ESF1: variants seen among roughly 807,000 people sequenced by gnomAD.
ESF1 encodes the protein ESF1 nucleolar pre-rRNA processing protein, also known as ESF1 homolog.
A neutral mutation model predicts 92.0 loss-of-function variants in ESF1; 58 were observed. The ratio of observed to expected loss-of-function variants is 0.63; its 90% CI spans 0.51 to 0.78. ESF1 has a LOEUF of 0.78. Among genes scored for constraint, ESF1 ranks in the 30% least tolerant of loss-of-function variants. The pLI is 0.00. For missense variants in ESF1, 922 were observed against 989.1 expected (o/e 0.93, Z 0.91); for synonymous variants, 321 against 313.7 (o/e 1.02, Z -0.24).
At chr20:13,747,487 C>T (rs1600278411) in intron 9 of ESF1, among the ~76,000 whole-genome samples, 1 of 151,484 alleles carries the variant, frequency 6.6e-6, no homozygotes, top group Non-Finnish European at 1.5e-5. Flanking sequence ...ACTGCTTGAA[C>T]CCGGGAGGTG....
At chr20:13,748,827 T>G (rs1978458043) in intron 9 of ESF1, among the ~76,000 whole-genome samples, 1 of 151,820 alleles carries the variant, frequency 6.6e-6, no homozygotes, top group African/African-American at 2.4e-5. Context: ...GACCTCGTGA[T>G]CCGCCCACCT....
intron 9 of ESF1, among the ~76,000 whole-genome samples, chr20:13,740,096 T>G (rs2050001897): frequency 6.6e-6 from 1 of 152,176 alleles, no homozygotes; most frequent in Admixed American, 6.6e-5. Flanking sequence ...ACACTACTTG[T>G]GTGGCCCAAA....
intron 4 of ESF1, among the ~76,000 whole-genome samples, chr20:13,774,270 A>G (rs1379114582): frequency 7.4e-5 from 4 of 54,200 alleles, no homozygotes; most frequent in Admixed American, 4.9e-4. Flanking sequence ...AGCATCCCAA[A>G]TCCCAAATCC....
intron 9 of ESF1, among the ~76,000 whole-genome samples, chr20:13,753,883 C>T (rs1335781962): frequency 6.6e-6 from 1 of 152,180 alleles, no homozygotes; most frequent in South Asian, 2.1e-4. Context: ...TAAATAACTT[C>T]CACATGCTTA....
intron 9 of ESF1, among the ~76,000 whole-genome samples, chr20:13,736,239 T>C (rs937483975): frequency 2.6e-5 from 4 of 152,176 alleles, no homozygotes; most frequent in Admixed American, 2.6e-4. Context: ...ATATCTCTGG[T>C]TATCCACTAG....
Position 13,776,062 on chromosome 20 carries a change from TTCA to T in ESF1, c.843_845del (p.Asp281del). ...CACTATCCTCATCTTCATCCTCCTC[TTCA>T]TCTTCATCCTCCTCTTCATCATCTT... On this transcript the variant is annotated inframe_deletion, in exon 3 of 14. Coordinates refer to ENST00000617257, the MANE Select transcript of ESF1 (RefSeq NM_001276380.2). 1 of 1,613,122 alleles carries T rather than the reference TTCA, an allele frequency of 6.2e-7. No homozygotes were observed. The highest frequency in any genetic ancestry group is 8.5e-7 in the Non-Finnish European group (1 of 1,179,406).
At chr20:13,766,992 T>C (rs1021222210) in intron 7 of ESF1, 68 bp from the exon 8 acceptor site, 9 of 1,468,310 alleles carry the variant, frequency 6.1e-6, no homozygotes, top group East Asian at 4.5e-5. Context: ...TGTTAAAGAA[T>C]ATATACTATT....
intron 8 of ESF1, among the ~76,000 whole-genome samples, chr20:13,764,895 C>T (rs150582676): frequency 3.2e-3 from 480 of 150,788 alleles, no homozygotes; most frequent in African/African-American, 8.8e-3. Context: ...GTCAACTGTA[C>T]GCCGTTAATC....
chr20:13,754,563 A>C (rs897979132), intron 9 of ESF1, among the ~76,000 whole-genome samples: 1 of 152,134 alleles, frequency 6.6e-6, no homozygotes, highest in Non-Finnish European at 1.5e-5. Flanking sequence ...GGGCATCTTG[A>C]ACTTAATGTA....
At chr20:13,784,796 A>C in intron 1 of ESF1, 84 bp downstream of exon 1, 1 of 523,568 alleles carries the variant, frequency 1.9e-6, no homozygotes. Context: ...CCTGTTAGAG[A>C]CTAGTTTTTT....
chr20:13,776,382 G>A, intron 2 of ESF1, 112 bp from the exon 3 acceptor site: 1 of 1,021,866 alleles, frequency 9.8e-7, no homozygotes, highest in Non-Finnish European at 1.4e-6. Flanking sequence ...ATGAAACACA[G>A]TAAAGACAAA....
intron 9 of ESF1, among the ~76,000 whole-genome samples, chr20:13,751,677 C>A (rs1215404124): frequency 6.6e-6 from 1 of 152,172 alleles, no homozygotes; most frequent in Non-Finnish European, 1.5e-5. Context: ...TGAGTTAAAT[C>A]TTTTTAAAAA....
intron 9 of ESF1, among the ~76,000 whole-genome samples, chr20:13,737,019 G>C (rs1265480452): frequency 1.3e-5 from 2 of 152,284 alleles, no homozygotes; most frequent in East Asian, 3.9e-4. Context: ...TATGTTCTAA[G>C]TTCTTAAAAA....
At chr20:13,743,139 T>C (rs765669481) in intron 9 of ESF1, among the ~76,000 whole-genome samples, 4 of 152,172 alleles carry the variant, frequency 2.6e-5, no homozygotes, top group Admixed American at 6.6e-5. Flanking sequence ...CCAACAGGTA[T>C]ATGAAAAGGT....
intron 9 of ESF1, among the ~76,000 whole-genome samples, chr20:13,743,464 A>T (rs920067973): frequency 6.6e-6 from 1 of 152,220 alleles, no homozygotes; most frequent in African/African-American, 2.4e-5. Flanking sequence ...AATAACCAAG[A>T]TAGGGAAACA....
At chr20:13,735,019 T>G (rs1327045374) in intron 9 of ESF1, among the ~76,000 whole-genome samples, 1 of 152,112 alleles carries the variant, frequency 6.6e-6, no homozygotes, top group Non-Finnish European at 1.5e-5. Flanking sequence ...AAGAAATATA[T>G]GGCCCAAGAA....
chr20:13,758,689 A>C (rs1185682162), intron 9 of ESF1, among the ~76,000 whole-genome samples: 1 of 152,240 alleles, frequency 6.6e-6, no homozygotes, highest in African/African-American at 2.4e-5. Context: ...CCTAGTGACT[A>C]ATATAGGCTA....
intron 9 of ESF1, among the ~76,000 whole-genome samples, chr20:13,755,572 A>G (rs1373062261): frequency 1.3e-5 from 2 of 152,244 alleles, no homozygotes; most frequent in African/African-American, 4.8e-5. Flanking sequence ...GGATACCTTT[A>G]GCAACGCATT....
chr20:13,749,064 AATT>A (rs1209344742), intron 9 of ESF1, among the ~76,000 whole-genome samples: 2 of 151,316 alleles, frequency 1.3e-5, no homozygotes, highest in Non-Finnish European at 3.0e-5. Context: ...ACAGACTTCC[AATT>A]ATTATTATTT....
Sources: allele counts gnomAD v4.1 joint callset (sites outside exome capture counted in the v4.1 genomes callset), GRCh38; gene constraint gnomAD v4.1.1; transcripts MANE v1.5; gene names NCBI Gene and HGNC (gene_info 2026-07-23, HGNC 2026-07-21).